The following CIP2A variants were observed in gnomAD, a reference collection of about 807,000 sequenced individuals.
CIP2A encodes the protein protein CIP2A.
CIP2A carries 103 observed loss-of-function variants against 110.9 expected under a neutral mutation model. The observed-to-expected ratio is 0.93, with a 90% CI of 0.79 to 1.09. The LOEUF (loss-of-function observed/expected upper bound fraction) is 1.09, where lower values mean the gene tolerates loss of function less well. Among genes scored for constraint, CIP2A ranks in the 50% least tolerant of loss-of-function variants. The pLI is 0.00. For missense variants in CIP2A, 1,088 were observed against 1,038.4 expected (o/e 1.05, Z -0.66); for synonymous variants, 381 against 361.6 (o/e 1.05, Z -0.61).
At chr3:108,574,572 A>G (rs947558664) in intron 8 of CIP2A, 4 of 152,598 alleles carry the variant, frequency 2.6e-5, no homozygotes, top group Non-Finnish European at 5.9e-5. Context: ...TTCATAAACA[A>G]AAGAACACCA....
intron 18 of CIP2A, 118 bp downstream of exon 18, chr3:108,554,258 T>C (rs938462722): frequency 7.2e-6 from 4 of 552,042 alleles, no homozygotes; most frequent in African/African-American, 5.9e-5. Flanking sequence ...ATATCTTATA[T>C]CTAAAATAAG....
rs564126521 is a variant in CIP2A, at chr3:108,549,979, A to G, written c.*1170T>C. The G allele has an allele frequency of 1.6e-4, 25 of 152,116 alleles. No homozygotes were observed. The highest frequency in any genetic ancestry group is 3.9e-4 in the Admixed American group (6 of 15,252). 9.4% of individuals were successfully genotyped at this position (152,116 alleles called of 1,614,324 possible). ...GAAACAGAATGTATCTCCTCTATAG[A>G]ACAAATAGTAATTTAAAATGTTTTA... is the stretch of plus-strand genomic sequence containing the variant. On this transcript the variant is annotated 3_prime_UTR_variant, in exon 21 of 21. Coordinates refer to ENST00000295746, the MANE Select transcript of CIP2A (RefSeq NM_020890.3).
At chr3:108,552,909 C>G (rs985573235) in intron 19 of CIP2A, among the ~76,000 whole-genome samples, 1 of 152,024 alleles carries the variant, frequency 6.6e-6, no homozygotes, top group Non-Finnish European at 1.5e-5. Context: ...CCAATAGACA[C>G]TGCAGACTAG....
In CIP2A at chr3:108,551,333, G is replaced by C; in HGVS notation, c.2548-14C>G. The C allele has an allele frequency of 6.3e-7, 1 of 1,581,674 alleles. No individual in the cohort carries two copies. On this transcript the variant is annotated splice_polypyrimidine_tract_variant and intron_variant, in intron 20 of 20. Transcript: ENST00000295746. ...TAGGGAGGAAGCCTAAGGAATTGGG[G>C]TTGGGGGAGGAGGAAGAATTGAGAA...
chr3:108,585,353 CA>C, intron 1 of CIP2A, 141 bp from the exon 2 acceptor site: 4 of 689,678 alleles, frequency 5.8e-6, no homozygotes, highest in Non-Finnish European at 9.4e-6. Context: ...GTGAAAAATT[CA>C]CCCCTGCCTA....
intron 5 of CIP2A, among the ~76,000 whole-genome samples, 163 bp downstream of exon 5, chr3:108,581,252 C>T (rs1387323509): frequency 6.6e-6 from 1 of 152,230 alleles, no homozygotes; most frequent in African/African-American, 2.4e-5. Flanking sequence ...TGAAGTGCTT[C>T]AAGTTATTTG....
chr3:108,583,086 A>G lies in CIP2A; in HGVS notation c.251-3T>C, dbSNP rs768945313. ...ATCTCTGGTTTCAATGTCTACTGCT[A>G]TAAGTTAAAATAAAAGCACAAAATA... On this transcript the variant is annotated splice_region_variant and splice_polypyrimidine_tract_variant and intron_variant, in intron 2 of 20. Transcript: ENST00000295746. 43 of 1,527,652 alleles carry G rather than the reference A, an allele frequency of 2.8e-5. No homozygotes were observed. In the African/African-American group the frequency reaches 5.1e-4, roughly 18 times the overall value. The allele number at this position is 1,527,652 out of a possible 1,614,324, so 94.6% of individuals were successfully genotyped here.
chr3:108,575,412 A>G (rs1938552177), intron 8 of CIP2A, among the ~76,000 whole-genome samples: 1 of 138,746 alleles, frequency 7.2e-6, no homozygotes, highest in Admixed American at 7.6e-5. Context: ...ATGTGTATGT[A>G]TACATATACA....
At chr3:108,586,416 C>T (rs1033323392) in intron 1 of CIP2A, among the ~76,000 whole-genome samples, 4 of 152,142 alleles carry the variant, frequency 2.6e-5, no homozygotes, top group Non-Finnish European at 5.9e-5. Flanking sequence ...AAAAATGATT[C>T]TCTATAGGAT....
At chr3:108,573,962 A>C (rs1461660222) in intron 8 of CIP2A, among the ~76,000 whole-genome samples, 4 of 152,146 alleles carry the variant, frequency 2.6e-5, no homozygotes, top group African/African-American at 9.7e-5. Flanking sequence ...AAAACTAGGA[A>C]GCTTTTAGAA....
chr3:108,581,970 G>A, intron 4 of CIP2A, 138 bp downstream of exon 4: 1 of 448,224 alleles, frequency 2.2e-6, no homozygotes, highest in Admixed American at 3.9e-5. Context: ...AATCATCTGG[G>A]CAGAACAAAT....
At chr3:108,572,408 A>C (rs1369793726) in intron 8 of CIP2A, among the ~76,000 whole-genome samples, 1 of 152,144 alleles carries the variant, frequency 6.6e-6, no homozygotes, top group Non-Finnish European at 1.5e-5. Flanking sequence ...GTTTTTCCCC[A>C]TATGTATATT....
At chr3:108,568,850 T>A (rs1435508365) in intron 9 of CIP2A, among the ~76,000 whole-genome samples, 1 of 151,876 alleles carries the variant, frequency 6.6e-6, no homozygotes, top group Non-Finnish European at 1.5e-5. Context: ...TGAAGGGAAA[T>A]ACTTTCAGGA....
Position 108,552,293 on chromosome 3 carries a change from C to G in CIP2A, c.2488G>C (p.Asp830His), listed in dbSNP as rs2107305707. 1 of 1,566,128 alleles carries G rather than the reference C, an allele frequency of 6.4e-7. No homozygotes were observed. Among genetic ancestry groups the G allele is most frequent in the East Asian group, 2.3e-5 (1 of 44,010 alleles). Residue 830 changes from aspartate to histidine, a missense_variant, in exon 20 of 21, where the codon GAT becomes CAT. Physicochemically the swap from Asp to His is moderately conservative, Grantham distance 81 (BLOSUM62 -1). Transcript: ENST00000295746. Reference protein sequence around the residue: ...KEREDKEETIDILRKELSRTE... With the variant: ...KEREDKEETIHILRKELSRTE... ...CTGCTTAATTCTTTTCTAAGGATATCAATGGTTTCTTCCTTATCTTCCCTT... is the reference window on the plus strand; with the variant it reads ...CTGCTTAATTCTTTTCTAAGGATATGAATGGTTTCTTCCTTATCTTCCCTT...
At position 108,552,275 on chromosome 3, in the gene CIP2A, A is replaced by G; in HGVS notation, c.2506T>C (p.Leu836=). Residue 836 remains leucine (L), a synonymous_variant, in exon 20 of 21, where the codon TTA becomes CTA. Coordinates refer to ENST00000295746, the MANE Select transcript of CIP2A (RefSeq NM_020890.3). ...EETIDILRKE[L]SRTEQIRKEL... is the part of the protein sequence containing the mutation. ...TTTCTTATCTGTTCTGTTCTGCTTA[A>G]TTCTTTTCTAAGGATATCAATGGTT... is the stretch of plus-strand genomic sequence containing the variant. The G allele has an allele frequency of 6.3e-7, 1 of 1,580,028 alleles. No homozygotes were observed. The highest frequency in any genetic ancestry group is 8.6e-7 in the Non-Finnish European group (1 of 1,162,216).
At chr3:108,569,192 TACTCAGTGAAAAAAAAGGAAAACACTA>T (rs1301542779) in intron 9 of CIP2A, among the ~76,000 whole-genome samples, 170 bp downstream of exon 9, 31 of 3,214 alleles carry the variant, frequency 9.6e-3, no homozygotes, top group East Asian at 0.026. Flanking sequence ...ACATACACAC[TACTCAGTGAAAAAAAAGGAAAACACTA>T]ATATATATGA....
Position 108,557,426 on chromosome 3 carries a change from AAAG to A in CIP2A, c.2014-15_2014-13del. 2 of 1,568,028 alleles carry A rather than the reference AAAG, an allele frequency of 1.3e-6. No individual in the cohort carries two copies. The highest frequency in any genetic ancestry group is 1.4e-5 in the African/African-American group (1 of 72,694). On this transcript the variant is annotated splice_polypyrimidine_tract_variant and intron_variant, in intron 16 of 20. Transcript: ENST00000295746. Reference sequence around the variant, plus strand: ...GCAAGTGTCCGTGCCTCAAAAAAAAAAAGAAGATAGACTTTACCACTATCATCT... The same window carrying A: ...GCAAGTGTCCGTGCCTCAAAAAAAAAAAGATAGACTTTACCACTATCATCT...
At chr3:108,583,958 C>T (rs1041916076) in intron 2 of CIP2A, among the ~76,000 whole-genome samples, 7 of 152,126 alleles carry the variant, frequency 4.6e-5, no homozygotes, top group African/African-American at 1.7e-4. Context: ...ACCTCAAATG[C>T]TTCTAAAGTA....
At chr3:108,565,802 AGAAT>A (rs1250803021) in intron 11 of CIP2A, among the ~76,000 whole-genome samples, 14 of 151,792 alleles carry the variant, frequency 9.2e-5, no homozygotes, top group Admixed American at 5.3e-4. Flanking sequence ...TAGGCAATAT[AGAAT>A]ATCTAATACG....
Sources: gnomAD v4.1 joint callset for allele counts (sites outside exome capture counted in the v4.1 genomes callset) on GRCh38, gnomAD v4.1.1 for gene constraint, MANE v1.5 for transcripts, NCBI Gene and HGNC (gene_info 2026-07-23, HGNC 2026-07-21) for gene names.